EPN2: variants seen among roughly 807,000 people sequenced by gnomAD.
EPN2 encodes the protein epsin 2.
Under a neutral mutation model 61.7 loss-of-function variants are expected in EPN2, and 34 were observed. That is an observed-to-expected ratio of 0.55 (90% CI 0.42 to 0.73). The LOEUF is 0.73. Among genes scored for constraint, EPN2 ranks in the 30% least tolerant of loss-of-function variants. The pLI is 0.00. For synonymous variants in EPN2, 349 were observed against 353.6 expected (o/e 0.99, Z 0.15); for missense variants, 714 against 839.2 (o/e 0.85, Z 1.84).
rs575010737 is a variant in EPN2, at chr17:19,310,613, T to C, written c.879+616T>C. On this transcript the variant is annotated intron_variant, in intron 5 of 10. Coordinates refer to ENST00000314728, the MANE Select transcript of EPN2 (RefSeq NM_014964.5). ...TTTTTTTTGAATCAGAGTCTCACTC[T>C]GTCACCCAGGCTGGAGTGCAGTGGT... Among the ~76,000 whole-genome samples the C allele has an allele frequency of 8.6e-5, 11 of 127,378 alleles. No individual in the cohort carries two copies. In the South Asian group the frequency reaches 3.0e-3, roughly 34 times the overall value. 83.6% of individuals were successfully genotyped at this position (127,378 alleles called of 152,430 possible).
chr17:19,311,463 C>T (rs1477015438), intron 5 of EPN2, among the ~76,000 whole-genome samples: 1 of 151,588 alleles, frequency 6.6e-6, no homozygotes, highest in African/African-American at 2.4e-5. Context: ...CTCTTAAAAA[C>T]AAGAAAAGAA....
chr17:19,329,652 G>A lies in EPN2; in HGVS notation c.1411+5G>A, dbSNP rs1215958568. On this transcript the variant is annotated splice_donor_5th_base_variant and intron_variant, in intron 9 of 10. Coordinates refer to ENST00000314728, the MANE Select transcript of EPN2 (RefSeq NM_014964.5). ...TTCGGACTTCAAAAAAAACAGGTAT[G>A]TACAGGTGATGATGGTTTCCATAAT... The A allele has an allele frequency of 6.4e-7, 1 of 1,559,314 alleles. No homozygotes were observed.
chr17:19,333,921 C>T (rs771910898), intron 10 of EPN2, 35 bp from the exon 11 acceptor site: 20 of 1,499,142 alleles, frequency 1.3e-5, no homozygotes, highest in South Asian at 2.8e-5. Flanking sequence ...CACACCCTGA[C>T]GGCTCAGCCT....
In EPN2 at chr17:19,285,819, C is replaced by G. The variant is rs529789973; in HGVS notation, c.766+29C>G. On this transcript the variant is annotated intron_variant, in intron 4 of 10. Transcript: ENST00000314728. The surrounding 1 kb of genome is among the most constrained non-coding windows in gnomAD (Gnocchi z 4.5). ...GGACGGCGGTTTGCTTTTTTCCTTA[C>G]TAGAAATGCTGGGCAGCTTGCTGGG... 3.9e-6 allele frequency: 6 copies of G among 1,533,030 alleles called. No individual in the cohort carries two copies. The African/African-American group carries it at 6.8e-5, about 17-fold the overall frequency. The allele number at this position is 1,533,030 out of a possible 1,614,324, so 95.0% of individuals were successfully genotyped here.
At chr17:19,296,013 TCTC>T (rs1186270970) in intron 4 of EPN2, among the ~76,000 whole-genome samples, 5 of 152,040 alleles carry the variant, frequency 3.3e-5, no homozygotes, top group Non-Finnish European at 7.4e-5. Context: ...ATCAAATTAG[TCTC>T]CTCCTGCTGA....
intron 4 of EPN2, among the ~76,000 whole-genome samples, chr17:19,300,910 C>T (rs952292516): frequency 6.6e-6 from 1 of 152,194 alleles, no homozygotes; most frequent in African/African-American, 2.4e-5. Flanking sequence ...CCCTGTGGAG[C>T]TCCCAGTCTG....
chr17:19,279,444 GT>G (rs1012028987), intron 1 of EPN2, among the ~76,000 whole-genome samples: 49 of 143,416 alleles, frequency 3.4e-4, no homozygotes, highest in South Asian at 4.4e-4. Flanking sequence ...TCCTTTTTTT[GT>G]TTTTTTTTTT....
intron 7 of EPN2, among the ~76,000 whole-genome samples, chr17:19,322,337 C>T (rs957731750): frequency 2.0e-5 from 3 of 152,100 alleles, no homozygotes; most frequent in Admixed American, 1.3e-4. Flanking sequence ...AGGCCCCCAT[C>T]GCCGGGGCAA....
chr17:19,327,744 G>C lies in EPN2; in HGVS notation c.1148-967G>C, dbSNP rs936600942. Among the ~76,000 whole-genome samples, 9 of 152,036 alleles carry C rather than the reference G, an allele frequency of 5.9e-5. 1 individual carries two copies. The highest frequency in any genetic ancestry group is 5.9e-4 in the Admixed American group (9 of 15,268). The stretch of plus-strand genomic sequence containing the variant: ...TAATATATATGTGTGTGTGTATTCA[G>C]AAAATAGGCACAACTAACTAAAGGT... On this transcript the variant is annotated intron_variant, in intron 7 of 10. Transcript: ENST00000314728.
At position 19,285,043 on chromosome 17, in the gene EPN2, G is replaced by A. The variant is rs2045391449; in HGVS notation, c.596-577G>A. On this transcript the variant is annotated intron_variant, in intron 3 of 10. Coordinates refer to ENST00000314728, the MANE Select transcript of EPN2 (RefSeq NM_014964.5). This position sits in a 1 kb window ranked among gnomAD's most constrained non-coding sequence, Gnocchi z 4.5. Reference sequence around the variant, plus strand: ...AAATGAAGATTGCCCTTTAAGAAGTGAAATTGTTTTATTTCTCTCAAGGAT... The same window carrying A: ...AAATGAAGATTGCCCTTTAAGAAGTAAAATTGTTTTATTTCTCTCAAGGAT... Among the ~76,000 whole-genome samples the A allele has an allele frequency of 6.6e-6, 1 of 152,230 alleles. No individual in the cohort carries two copies. Among genetic ancestry groups the A allele is most frequent in the Admixed American group, 6.5e-5 (1 of 15,288 alleles).
At chr17:19,318,564 A>AAAAAAAAAAAAAAAAAAAAAAAAAAAAAC (rs1884620660) in intron 7 of EPN2, among the ~76,000 whole-genome samples, 1 of 148,930 alleles carries the variant, frequency 6.7e-6, no homozygotes, top group Non-Finnish European at 1.5e-5. Flanking sequence ...AAAAAAAAAA[A>AAAAAAAAAAAAAAAAAAAAAAAAAAAAAC]AAAGAGTAGG....
At chr17:19,320,444 G>A (rs1906588995) in intron 7 of EPN2, among the ~76,000 whole-genome samples, 1 of 152,156 alleles carries the variant, frequency 6.6e-6, no homozygotes, top group Non-Finnish European at 1.5e-5. Context: ...CTCACATGGG[G>A]CCTCATTTTT....
At chr17:19,237,786 T>TCC (rs2044832375) in intron 1 of EPN2, among the ~76,000 whole-genome samples, 1 of 150,418 alleles carries the variant, frequency 6.6e-6, no homozygotes, top group South Asian at 2.1e-4. Context: ...TGCAAGGATC[T>TCC]CCCCCCTTAC....
chr17:19,256,519 G>GGC (rs2045081516), intron 1 of EPN2, among the ~76,000 whole-genome samples: 1 of 151,808 alleles, frequency 6.6e-6, no homozygotes, highest in Non-Finnish European at 1.5e-5. Context: ...TTAGCATCAA[G>GGC]GCAGGGATAA....
At chr17:19,262,361 C>G (rs539266472) in intron 1 of EPN2, among the ~76,000 whole-genome samples, 1 of 152,036 alleles carries the variant, frequency 6.6e-6, no homozygotes, top group Admixed American at 6.6e-5. Context: ...GCCTGTAATC[C>G]CAGCTACTTA....
Position 19,285,641 on chromosome 17 carries a change from C to G in EPN2, c.617C>G (p.Pro206Arg). The change falls in exon 4 of 11, where the codon CCC (proline) becomes CGC (arginine). Residue 206 changes from proline to arginine, a missense_variant. Physicochemically the swap from Pro to Arg is moderately radical, Grantham distance 103. Transcript: ENST00000314728. This position sits in a 1 kb window ranked among gnomAD's most constrained non-coding sequence, Gnocchi z 4.5. ...YHGSPEASLC[P>R]QHRTGAPLGQ... is the part of the protein sequence containing the mutation. ...ACAGCGCCTGAGGCCTCGCTGTGCC[C>G]CCAGCACCGCACAGGGGCCCCGCTG... The G allele has an allele frequency of 2.6e-6, 4 of 1,561,736 alleles. No homozygotes were observed. The highest frequency in any genetic ancestry group is 3.5e-6 in the Non-Finnish European group (4 of 1,153,824).
chr17:19,325,177 G>T lies in EPN2; in HGVS notation c.1148-3534G>T, dbSNP rs184174059. The stretch of plus-strand genomic sequence containing the variant: ...GCTAGTAAGTACTAACAATATTCAA[G>T]AAACAATCCCACTTTCATACAAACT... On this transcript the variant is annotated intron_variant, in intron 7 of 10. Transcript: ENST00000314728. 8.5e-5 allele frequency among the ~76,000 whole-genome samples: 13 copies of T among 152,256 alleles called. No homozygotes were observed. In the East Asian group the frequency reaches 2.5e-3, roughly 29 times the overall value.
At chr17:19,289,269 A>AGAGAC (rs2045436657) in intron 4 of EPN2, among the ~76,000 whole-genome samples, 1 of 151,732 alleles carries the variant, frequency 6.6e-6, no homozygotes, top group African/African-American at 2.4e-5. Context: ...TATTTTTAGT[A>AGAGAC]GAGATGAGGT....
chr17:19,258,729 G>T (rs2045108827), intron 1 of EPN2, among the ~76,000 whole-genome samples: 1 of 152,148 alleles, frequency 6.6e-6, no homozygotes, highest in Non-Finnish European at 1.5e-5. Flanking sequence ...TGCTGCGTGT[G>T]GACAGCGCGG....
Sources: gnomAD v4.1 joint callset for allele counts (sites outside exome capture counted in the v4.1 genomes callset) on GRCh38, gnomAD v4.1.1 for gene constraint, Gnocchi (gnomAD v3.1) non-coding constraint, MANE v1.5 for transcripts, NCBI Gene and HGNC (gene_info 2026-07-23, HGNC 2026-07-21) for gene names.